The following ZNF385D variants were observed in gnomAD, a reference collection of about 807,000 sequenced individuals.
ZNF385D encodes zinc finger protein 385D.
Under a neutral mutation model 35.8 loss-of-function variants are expected in ZNF385D, and 15 were observed. The observed-to-expected ratio is 0.42, with a 90% confidence interval of 0.28 to 0.64. The LOEUF (loss-of-function observed/expected upper bound fraction) is 0.64. ZNF385D is among the 30% of genes least tolerant of loss of function. The pLI, the probability that ZNF385D is intolerant of heterozygous loss-of-function variation, is 0.23. For missense variants in ZNF385D, 474 were observed against 494.6 expected (o/e 0.96, Z 0.39); for synonymous variants, 212 against 186.8 (o/e 1.13, Z -1.10).
chr3:21,583,778 T>G (rs2063732222), intron 2 of ZNF385D, among the ~76,000 whole-genome samples: 1 of 150,808 alleles, frequency 6.6e-6, no homozygotes, highest in Non-Finnish European at 1.5e-5. Flanking sequence ...ATATTTTCAT[T>G]TAAATATTCT....
At chr3:22,058,651 G>A (rs1276436464) in intron 3 of ZNF385D, among the ~76,000 whole-genome samples, 1 of 151,860 alleles carries the variant, frequency 6.6e-6, no homozygotes, top group African/African-American at 2.4e-5. Context: ...ATGCCTAAAT[G>A]AAAAAATGGG....
At chr3:21,682,069 GA>G (rs34112570) in intron 1 of ZNF385D, among the ~76,000 whole-genome samples, 3 of 152,022 alleles carry the variant, frequency 2.0e-5, no homozygotes, top group Non-Finnish European at 4.4e-5. Context: ...AATTTTGGAG[GA>G]AAAAAGAGTA....
intron 4 of ZNF385D, among the ~76,000 whole-genome samples, chr3:21,483,835 A>G (rs1452106303): frequency 1.3e-5 from 2 of 152,192 alleles, no homozygotes; most frequent in Non-Finnish European, 2.9e-5. Flanking sequence ...TTTTCCAGAT[A>G]TGTGAATTAA....
At chr3:21,550,601 GC>G in intron 3 of ZNF385D, among the ~76,000 whole-genome samples, 1 of 152,254 alleles carries the variant, frequency 6.6e-6, no homozygotes, top group African/African-American at 2.4e-5. Flanking sequence ...TCCCGCCTCA[GC>G]CTCCTTAGTA....
chr3:21,614,670 C>T (rs2064790594), intron 2 of ZNF385D, among the ~76,000 whole-genome samples: 1 of 152,168 alleles, frequency 6.6e-6, no homozygotes, highest in Admixed American at 6.5e-5. Flanking sequence ...CTCACTACAA[C>T]CTCTGCCTCC....
At chr3:21,938,025 C>T (rs754840498) in intron 3 of ZNF385D, among the ~76,000 whole-genome samples, 1 of 152,180 alleles carries the variant, frequency 6.6e-6, no homozygotes, top group Non-Finnish European at 1.5e-5. Context: ...TGCGAAATCT[C>T]TACGTAACAA....
intron 3 of ZNF385D, among the ~76,000 whole-genome samples, chr3:21,878,323 C>A (rs1698089213): frequency 6.6e-6 from 1 of 151,958 alleles, no homozygotes; most frequent in African/African-American, 2.4e-5. Context: ...GATATTGTCT[C>A]ATGAACTCAT....
chr3:21,708,913 T>C (rs73044402), intron 1 of ZNF385D, among the ~76,000 whole-genome samples: 55 of 152,206 alleles, frequency 3.6e-4, no homozygotes, highest in Non-Finnish European at 7.4e-4. Flanking sequence ...ATACTGATCT[T>C]AATGTCCTTA....
chr3:22,020,380 C>T (rs1315083685), intron 3 of ZNF385D, among the ~76,000 whole-genome samples: 2 of 151,802 alleles, frequency 1.3e-5, no homozygotes, highest in African/African-American at 4.8e-5. Context: ...AGTTGAACCA[C>T]ATGGGGAACA....
At chr3:21,768,834 C>A (rs1380148943) in intron 3 of ZNF385D, among the ~76,000 whole-genome samples, 1 of 151,874 alleles carries the variant, frequency 6.6e-6, no homozygotes, top group Non-Finnish European at 1.5e-5. Flanking sequence ...AATAACAAAT[C>A]AGCAACCATT....
At chr3:22,162,450 AG>A (rs1180241293) in intron 3 of ZNF385D, among the ~76,000 whole-genome samples, 2 of 151,958 alleles carry the variant, frequency 1.3e-5, no homozygotes, top group African/African-American at 4.8e-5. Flanking sequence ...AAAGAAAAAA[AG>A]AGACTAAAAT....
At chr3:22,362,746 A>C (rs1212874477) in intron 2 of ZNF385D, among the ~76,000 whole-genome samples, 2 of 152,036 alleles carry the variant, frequency 1.3e-5, no homozygotes, top group Admixed American at 6.6e-5. Flanking sequence ...ACAAGGGAAC[A>C]CTCCTAGATG....
chr3:22,166,681 G>C (rs1423879145), intron 3 of ZNF385D, among the ~76,000 whole-genome samples: 2 of 152,234 alleles, frequency 1.3e-5, no homozygotes, highest in African/African-American at 4.8e-5. Flanking sequence ...TACTGAACTT[G>C]AGTAAACTCA....
At chr3:21,456,063 G>A (rs1445727249) in intron 4 of ZNF385D, among the ~76,000 whole-genome samples, 12 of 152,130 alleles carry the variant, frequency 7.9e-5, no homozygotes, top group African/African-American at 2.4e-4. Context: ...TTAGAATGGT[G>A]TTCATTAAAA....
intron 3 of ZNF385D, among the ~76,000 whole-genome samples, chr3:21,939,998 G>T (rs1044862870): frequency 1.3e-5 from 2 of 152,182 alleles, no homozygotes; most frequent in Non-Finnish European, 2.9e-5. Flanking sequence ...AACCAGTGAG[G>T]AAGGAAAAGT....
intron 2 of ZNF385D, among the ~76,000 whole-genome samples, chr3:22,242,072 T>C (rs541215137): frequency 1.3e-5 from 2 of 149,488 alleles, no homozygotes; most frequent in South Asian, 4.5e-4. Flanking sequence ...CTGGGGACTG[T>C]TGTGGGGTGG....
At chr3:22,199,348 G>T (rs987433786) in intron 2 of ZNF385D, among the ~76,000 whole-genome samples, 1 of 152,064 alleles carries the variant, frequency 6.6e-6, no homozygotes, top group Non-Finnish European at 1.5e-5. Context: ...TTTATTCAAG[G>T]CATACTTAAA....
At chr3:21,970,561 A>G (rs985664572) in intron 3 of ZNF385D, among the ~76,000 whole-genome samples, 1 of 152,048 alleles carries the variant, frequency 6.6e-6, no homozygotes, top group Non-Finnish European at 1.5e-5. Flanking sequence ...AAAACCTAGA[A>G]AACAGCCTCA....
chr3:21,703,782 C>G (rs1003797171), intron 1 of ZNF385D, among the ~76,000 whole-genome samples: 3 of 152,058 alleles, frequency 2.0e-5, no homozygotes, highest in African/African-American at 7.2e-5. Context: ...TTATTTGTAG[C>G]ATCTTCTCTT....
Sources: gnomAD v4.1 joint callset for allele counts (sites outside exome capture counted in the v4.1 genomes callset) on GRCh38, gnomAD v4.1.1 for gene constraint, MANE v1.5 for transcripts, NCBI Gene and HGNC (gene_info 2026-07-23, HGNC 2026-07-21) for gene names.